ERC1: variants seen among roughly 807,000 people sequenced by gnomAD.
The protein encoded by ERC1 is RAB6 interacting protein 2.
In ERC1, 56 loss-of-function variants were observed where a neutral mutation model predicts 132.0. The ratio of observed to expected loss-of-function variants is 0.42; its 90% CI spans 0.34 to 0.53. ERC1 has a LOEUF of 0.53. Among genes scored for constraint, ERC1 ranks in the 20% least tolerant of loss-of-function variants. The pLI is 0.03. For missense variants in ERC1, 1,202 were observed against 1,349.9 expected, an observed-to-expected ratio of 0.89 and a Z score of 1.72; for synonymous variants, 478 against 476.1, an observed-to-expected ratio of 1.00 and a Z score of -0.05.
At chr12:1,143,608 T>G (rs1216924336) in intron 8 of ERC1, among the ~76,000 whole-genome samples, 1 of 151,920 alleles carries the variant, frequency 6.6e-6, no homozygotes, top group Non-Finnish European at 1.5e-5. Flanking sequence ...CTTGGCTATT[T>G]TTCCATTTGA....
chr12:1,000,301 G>A (rs777777322), intron 1 of ERC1, among the ~76,000 whole-genome samples: 31 of 151,928 alleles, frequency 2.0e-4, no homozygotes, highest in Non-Finnish European at 3.8e-4. Flanking sequence ...CCTGAGCAAC[G>A]TGGCGAAACC....
At chr12:1,420,713 C>A (rs2092390878) in intron 17 of ERC1, among the ~76,000 whole-genome samples, 1 of 152,150 alleles carries the variant, frequency 6.6e-6, no homozygotes, top group Non-Finnish European at 1.5e-5. Context: ...CCTCGGCCCC[C>A]CAAAGTGCTG....
At chr12:1,155,242 C>T (rs1016609925) in intron 8 of ERC1, among the ~76,000 whole-genome samples, 2 of 143,482 alleles carry the variant, frequency 1.4e-5, no homozygotes, top group Non-Finnish European at 3.0e-5. Flanking sequence ...ACGAGAATTG[C>T]TTGGACCTGG....
chr12:1,113,015 G>A (rs1946057394), intron 6 of ERC1, among the ~76,000 whole-genome samples: 1 of 152,000 alleles, frequency 6.6e-6, no homozygotes. Flanking sequence ...ACATGTACAG[G>A]CTTTTTTCCC....
intron 3 of ERC1, among the ~76,000 whole-genome samples, chr12:1,095,391 C>T (rs1446575780): frequency 1.3e-5 from 1 of 74,526 alleles, no homozygotes; most frequent in Non-Finnish European, 2.9e-5. Context: ...GATTGTGCCA[C>T]TGCACCAAAA....
intron 12 of ERC1, among the ~76,000 whole-genome samples, chr12:1,198,429 T>C (rs1328262518): frequency 6.6e-6 from 1 of 152,218 alleles, no homozygotes; most frequent in Admixed American, 6.5e-5. Flanking sequence ...GCTACAATTA[T>C]TCTGAGAAAG....
At chr12:991,083 G>A (rs1035551951), upstream of ERC1, 3 of 151,540 alleles carry the variant, frequency 2.0e-5, no homozygotes, top group Admixed American at 6.6e-5. Context: ...GGAGGCCCCC[G>A]GGCCGCCGCG....
At chr12:1,062,166 G>A (rs1049789541) in intron 2 of ERC1, among the ~76,000 whole-genome samples, 4 of 151,748 alleles carry the variant, frequency 2.6e-5, no homozygotes, top group Non-Finnish European at 5.9e-5. Flanking sequence ...TATATTTTTA[G>A]TAGAGACAGG....
intron 2 of ERC1, among the ~76,000 whole-genome samples, chr12:1,034,900 C>CA (rs1456388460): frequency 6.6e-6 from 1 of 152,084 alleles, no homozygotes; most frequent in Non-Finnish European, 1.5e-5. Context: ...ATTTTCATGC[C>CA]AAAAAACCCA....
intron 13 of ERC1, among the ~76,000 whole-genome samples, chr12:1,241,718 G>A (rs73595910): frequency 0.053 from 8,126 of 151,944 alleles, 470 homozygotes; most frequent in African/African-American, 0.15. Context: ...GTAGCACTTA[G>A]TAAATAGGTA....
chr12:1,421,936 G>A (rs1325615930), intron 17 of ERC1, among the ~76,000 whole-genome samples: 1 of 152,132 alleles, frequency 6.6e-6, no homozygotes, highest in Non-Finnish European at 1.5e-5. Flanking sequence ...TGAGGCAGGA[G>A]AATTGCTTGA....
At chr12:1,207,156 C>G (rs1447855787) in intron 12 of ERC1, among the ~76,000 whole-genome samples, 1 of 152,122 alleles carries the variant, frequency 6.6e-6, no homozygotes, top group Non-Finnish European at 1.5e-5. Flanking sequence ...ATAGTTATTT[C>G]TCTGATTACA....
chr12:1,362,426 A>G (rs950944343), intron 15 of ERC1, among the ~76,000 whole-genome samples: 6 of 151,826 alleles, frequency 4.0e-5, no homozygotes, highest in African/African-American at 1.5e-4. Context: ...GTTGATCTTC[A>G]GAGCTCTGTC....
At chr12:1,370,672 A>C (rs556702211) in intron 15 of ERC1, among the ~76,000 whole-genome samples, 2 of 152,342 alleles carry the variant, frequency 1.3e-5, no homozygotes, top group South Asian at 4.1e-4. Context: ...TAAAATATAA[A>C]ATGAAATACT....
Position 1,024,904 on chromosome 12 carries a change from TA to T in ERC1, c.-156-2838del, listed in dbSNP as rs1297301454. Among the ~76,000 whole-genome samples the T allele has an allele frequency of 2.1e-5, 3 of 145,576 alleles. No homozygotes were observed. In the East Asian group the frequency reaches 6.2e-4, roughly 30 times the overall value. ...ATACAACATGGAAAAATAATACAAA[TA>T]AAAAACACAATAAGTATAACAACGA... is the stretch of plus-strand genomic sequence containing the variant. On this transcript the variant is annotated intron_variant, in intron 1 of 18. Transcript: ENST00000360905.
chr12:1,013,508 C>T lies in ERC1; in HGVS notation c.-156-14240C>T, dbSNP rs138026114. On this transcript the variant is annotated intron_variant, in intron 1 of 18. Coordinates refer to ENST00000360905, the MANE Select transcript of ERC1 (RefSeq NM_178040.4). ...TTACAATTGATGTGTCATTGCTGCT[C>T]CAAGCAGAGGTGGCCTTTCAGATAG... 4.0e-3 allele frequency among the ~76,000 whole-genome samples: 601 copies of T among 152,054 alleles called. 4 individuals are homozygous for T. The Middle Eastern group carries it at 0.045, about 11-fold the overall frequency.
chr12:1,479,565 A>G (rs2094043954), intron 18 of ERC1, among the ~76,000 whole-genome samples: 2 of 152,246 alleles, frequency 1.3e-5, no homozygotes, highest in African/African-American at 2.4e-5. Context: ...CAGGTAACAC[A>G]TGTAGACTAT....
chr12:1,277,815 T>C (rs1026303434), intron 14 of ERC1, among the ~76,000 whole-genome samples: 9 of 152,228 alleles, frequency 5.9e-5, no homozygotes, highest in Non-Finnish European at 1.3e-4. Context: ...TAAGATGTTA[T>C]TATGGAACAT....
intron 4 of ERC1, among the ~76,000 whole-genome samples, chr12:1,105,118 T>C (rs1593319668): frequency 6.6e-6 from 1 of 152,334 alleles, no homozygotes; most frequent in African/African-American, 2.4e-5. Context: ...ACAGACTCAC[T>C]TCCTTCATTT....
Sources: allele counts gnomAD v4.1 joint callset (sites outside exome capture counted in the v4.1 genomes callset), GRCh38; gene constraint gnomAD v4.1.1; transcripts MANE v1.5; gene names NCBI Gene and HGNC (gene_info 2026-07-23, HGNC 2026-07-21).